Variants in KAZN observed in about 807,000 individuals in gnomAD.
KAZN encodes the protein kazrin, periplakin interacting protein.
KAZN carries 40 observed loss-of-function variants against 87.4 expected under a neutral mutation model. That is an observed-to-expected ratio of 0.46 (90% CI 0.36 to 0.60). KAZN has a LOEUF of 0.60. KAZN is among the 20% of genes least tolerant of loss of function. The pLI is 0.00. For missense variants in KAZN, 898 were observed against 1,073.9 expected, an observed-to-expected ratio of 0.84 and a Z score of 2.29; for synonymous variants, 466 against 458.3, an observed-to-expected ratio of 1.02 and a Z score of -0.22.
intron 1 of KAZN, among the ~76,000 whole-genome samples, chr1:14,164,800 A>C (rs1447270604): frequency 6.6e-6 from 1 of 151,834 alleles, no homozygotes; most frequent in African/African-American, 2.4e-5. Flanking sequence ...CGGCCTCCCA[A>C]AGTGCTGGGA....
intron 1 of KAZN, among the ~76,000 whole-genome samples, chr1:14,026,411 TG>T (rs1570558883): frequency 6.6e-6 from 1 of 152,186 alleles, no homozygotes. Flanking sequence ...GACCCTATGG[TG>T]GGGGTTCCAG....
chr1:14,572,564 C>T (rs897574504), intron 2 of KAZN, among the ~76,000 whole-genome samples: 1 of 152,202 alleles, frequency 6.6e-6, no homozygotes, highest in African/African-American at 2.4e-5. Flanking sequence ...AGTATAAAGC[C>T]TTCCAGTACA....
chr1:14,924,879 G>A (rs80291415), intron 1 of KAZN, among the ~76,000 whole-genome samples: 14,192 of 152,212 alleles, frequency 0.093, 824 homozygotes, highest in South Asian at 0.24. Context: ...GTCTGCTGGG[G>A]GAAGCGTGGG....
chr1:14,003,074 A>G (rs1639871540), intron 1 of KAZN, among the ~76,000 whole-genome samples: 1 of 152,148 alleles, frequency 6.6e-6, no homozygotes, highest in South Asian at 2.1e-4. Context: ...TGAAGCTGGA[A>G]GCCATCATCC....
intron 1 of KAZN, among the ~76,000 whole-genome samples, chr1:14,911,007 C>T (rs892262209): frequency 6.6e-5 from 10 of 152,204 alleles, no homozygotes; most frequent in Admixed American, 2.6e-4. Flanking sequence ...GGGCAGCTCA[C>T]ACCACTCCTG....
intron 1 of KAZN, among the ~76,000 whole-genome samples, chr1:14,007,122 T>C: frequency 6.6e-6 from 1 of 152,180 alleles, no homozygotes; most frequent in East Asian, 1.9e-4. Flanking sequence ...TCTTGATTTG[T>C]TTTTTTAGAT....
At chr1:14,826,032 C>A (rs975048214) in intron 1 of KAZN, among the ~76,000 whole-genome samples, 12 of 152,170 alleles carry the variant, frequency 7.9e-5, no homozygotes, top group African/African-American at 2.9e-4. Context: ...CCTCAAAGTC[C>A]ACATAGCAAA....
At chr1:15,093,791 A>G (rs553444929) in intron 8 of KAZN, among the ~76,000 whole-genome samples, 1 of 152,288 alleles carries the variant, frequency 6.6e-6, no homozygotes, top group African/African-American at 2.4e-5. Flanking sequence ...TGGGCAAAAT[A>G]TGAGGGAGGT....
chr1:14,613,587 A>G (rs1252651278), intron 1 of KAZN, among the ~76,000 whole-genome samples: 1 of 152,254 alleles, frequency 6.6e-6, no homozygotes, highest in Non-Finnish European at 1.5e-5. Context: ...AATGCAAAAG[A>G]TTACAATGAA....
chr1:14,514,595 TTATATATA>T lies in KAZN; in HGVS notation c.250-84350_250-84343del, dbSNP rs754845099. Among the ~76,000 whole-genome samples, 531 of 66,458 alleles carry T rather than the reference TTATATATA, an allele frequency of 8.0e-3. 13 individuals are homozygous for T. Among genetic ancestry groups the T allele is most frequent in the East Asian group, 0.013 (21 of 1,650 alleles). 43.6% of individuals were successfully genotyped at this position (66,458 alleles called of 152,430 possible). A position where few individuals can be genotyped will look rare whatever the true frequency, so the allele number is the denominator to read the frequency against. The stretch of plus-strand genomic sequence containing the variant: ...TATATTTTATATATTTTTTTATATT[TTATATATA>T]TATATATATATATATATATATATAT... On this transcript the variant is annotated intron_variant, in intron 2 of 16. Transcript: ENST00000636203.
intron 2 of KAZN, among the ~76,000 whole-genome samples, chr1:14,185,485 C>G (rs1245217668): frequency 6.6e-6 from 1 of 152,168 alleles, no homozygotes; most frequent in South Asian, 2.1e-4. Flanking sequence ...TCCATGTGCT[C>G]CATTACGCAT....
intron 2 of KAZN, among the ~76,000 whole-genome samples, chr1:14,257,958 T>TAAAAAAAAAAAAA (rs1650663426): frequency 3.5e-5 from 1 of 28,424 alleles, no homozygotes; most frequent in African/African-American, 2.0e-4. Context: ...AAAAAAAACA[T>TAAAAAAAAAAAAA]TAAAAAAAAA....
At position 14,689,193 on chromosome 1, in the gene KAZN, T is replaced by TCAAAACAAAA. The variant is rs3081470; in HGVS notation, c.226+90008_226+90017dup. On this transcript the variant is annotated intron_variant, in intron 1 of 14. Transcript: ENST00000376030. ...CTGGGCGACAGAGTCAGACTCTGTC[T>TCAAAACAAAA]CAAAACAAAACAAAACAAAACAAAA... Among the ~76,000 whole-genome samples, 846 of 147,868 alleles carry TCAAAACAAAA rather than the reference T, an allele frequency of 5.7e-3. 3 individuals are homozygous for TCAAAACAAAA. The highest frequency in any genetic ancestry group is 0.012 in the African/African-American group (492 of 39,894).
intron 1 of KAZN, among the ~76,000 whole-genome samples, chr1:14,946,865 C>T (rs1371534865): frequency 6.6e-6 from 1 of 152,166 alleles, no homozygotes; most frequent in African/African-American, 2.4e-5. Flanking sequence ...TTGTGGATTC[C>T]AGACTTTCCT....
intron 2 of KAZN, among the ~76,000 whole-genome samples, chr1:14,478,062 C>G (rs114283248): frequency 2.0e-5 from 3 of 152,198 alleles, no homozygotes; most frequent in African/African-American, 7.2e-5. Context: ...CACTCCCACC[C>G]TCATTCTCAC....
chr1:13,990,018 A>C (rs1488094526), intron 1 of KAZN, among the ~76,000 whole-genome samples: 1 of 152,232 alleles, frequency 6.6e-6, no homozygotes, highest in African/African-American at 2.4e-5. Context: ...AGAATGTGTT[A>C]CAGATATGGC....
intron 1 of KAZN, among the ~76,000 whole-genome samples, chr1:14,056,332 T>C (rs1348555817): frequency 6.6e-6 from 1 of 152,208 alleles, no homozygotes; most frequent in Admixed American, 6.5e-5. Flanking sequence ...TCTTCCATGA[T>C]GAAGGCAGAA....
At chr1:14,497,822 GAA>G in intron 2 of KAZN, among the ~76,000 whole-genome samples, 1 of 143,290 alleles carries the variant, frequency 7.0e-6, no homozygotes, top group African/African-American at 2.5e-5. Flanking sequence ...ATTTGAGATG[GAA>G]AAAAAAAAAG....
intron 1 of KAZN, among the ~76,000 whole-genome samples, chr1:14,846,167 T>C (rs1034655208): frequency 6.6e-6 from 1 of 152,206 alleles, no homozygotes; most frequent in Non-Finnish European, 1.5e-5. Flanking sequence ...TATAGCGGCA[T>C]GTCTTGGAGC....
Sources: gnomAD v4.1 joint callset for allele counts (sites outside exome capture counted in the v4.1 genomes callset) on GRCh38, gnomAD v4.1.1 for gene constraint, MANE v1.5 for transcripts, NCBI Gene and HGNC (gene_info 2026-07-23, HGNC 2026-07-21) for gene names.